The following POLR2F variants were observed in gnomAD, a reference collection of about 807,000 sequenced individuals.
POLR2F encodes DNA-directed RNA polymerases I, II, and III subunit RPABC2.
Under a neutral mutation model 22.7 loss-of-function variants are expected in POLR2F, and 12 were observed. The ratio of observed to expected loss-of-function variants is 0.53; its 90% CI spans 0.34 to 0.86. POLR2F has a LOEUF of 0.86. Among genes scored for constraint, POLR2F ranks in the 40% least tolerant of loss-of-function variants. The probability of loss-of-function intolerance (pLI) is 0.02; values close to 1 mark genes in which losing one functional copy is unlikely to be tolerated. For missense variants in POLR2F, 126 were observed against 171.5 expected, an observed-to-expected ratio of 0.73 and a Z score of 1.48; for synonymous variants, 57 against 66.0, an observed-to-expected ratio of 0.86 and a Z score of 0.66.
In POLR2F at chr22:38,011,621, T is replaced by C. The variant is rs140112494; in HGVS notation, c.121-14248T>C. ...GGCTTTCTATTTTTCCACTGATGTA[T>C]GCCTTTATGTCAATGCTACATTGAC... On this transcript the variant is annotated intron_variant, in intron 1 of 2. Transcript: ENST00000333418. Among the ~76,000 whole-genome samples the C allele has an allele frequency of 5.6e-4, 86 of 152,316 alleles. No individual in the cohort carries two copies. In the East Asian group the frequency reaches 0.015, roughly 27 times the overall value.
intron 1 of POLR2F, among the ~76,000 whole-genome samples, chr22:37,955,365 C>A (rs1478927287): frequency 6.6e-6 from 1 of 151,522 alleles, no homozygotes; most frequent in Non-Finnish European, 1.5e-5. Flanking sequence ...ATGGTGAAAC[C>A]CCATCTTTAC....
At chr22:37,962,427 T>G (rs1931680890) in intron 3 of POLR2F, among the ~76,000 whole-genome samples, 2 of 152,116 alleles carry the variant, frequency 1.3e-5, no homozygotes, top group South Asian at 4.1e-4. Flanking sequence ...GTTTTATGGG[T>G]GGACAACATT....
chr22:38,040,870 A>T, intron 5 of POLR2F: 1 of 750,842 alleles, frequency 1.3e-6, no homozygotes, highest in Non-Finnish European at 2.2e-6. Context: ...GCTTTTATAA[A>T]ACGTGTGGAG....
intron 4 of POLR2F, among the ~76,000 whole-genome samples, chr22:37,977,359 C>T (rs1373706592): frequency 6.6e-6 from 1 of 150,434 alleles, no homozygotes; most frequent in Non-Finnish European, 1.5e-5. Context: ...CTCGCTCTGT[C>T]GCCCAGGCTG....
At chr22:38,030,430 C>A (rs1041188856), downstream of POLR2F, among the ~76,000 whole-genome samples, 2 of 151,840 alleles carry the variant, frequency 1.3e-5, no homozygotes, top group South Asian at 4.2e-4. Flanking sequence ...CAACTGGCTT[C>A]GATTCCAGAG....
chr22:38,031,202 AG>A (rs1170336726), downstream of POLR2F, among the ~76,000 whole-genome samples: 8 of 152,112 alleles, frequency 5.3e-5, no homozygotes, highest in African/African-American at 1.7e-4. The surrounding 1 kb of genome is among the most constrained non-coding windows in gnomAD (Gnocchi z 4.1). Context: ...TTCCATCTGC[AG>A]GGCCCTGGAC....
chr22:37,986,951 A>G lies in POLR2F; in HGVS notation c.120+639A>G, dbSNP rs1932599156. On this transcript the variant is annotated intron_variant, in intron 1 of 2. Transcript: ENST00000333418. This position sits in a 1 kb window ranked among gnomAD's most constrained non-coding sequence, Gnocchi z 4.7. ...TGGGCCTCTGCCCCAGCAGGACAAC[A>G]GGAGGGCCAGTGTCACCTTCTCCTC... is the stretch of plus-strand genomic sequence containing the variant. 1 of 453,010 alleles carries G rather than the reference A, an allele frequency of 2.2e-6. No homozygotes were observed. The highest frequency in any genetic ancestry group is 2.4e-5 in the Admixed American group (1 of 42,444). The allele number at this position is 453,010 out of a possible 1,614,324, so 28.1% of individuals were successfully genotyped here. A position where few individuals can be genotyped will look rare whatever the true frequency, so the allele number is the denominator to read the frequency against.
chr22:37,983,342 C>T (rs1932459897), upstream of POLR2F: 6 of 1,600,104 alleles, frequency 3.7e-6, no homozygotes, highest in East Asian at 1.4e-4. The surrounding 1 kb of genome is among the most constrained non-coding windows in gnomAD (Gnocchi z 9.5). Context: ...GCCCGGGGGG[C>T]GGTCGGGTGC....
downstream of POLR2F, chr22:37,973,918 C>T: frequency 6.2e-7 from 1 of 1,610,182 alleles, no homozygotes; most frequent in Non-Finnish European, 8.5e-7. Context: ...GTCCACTGGC[C>T]ACGGCCAGGG....
At chr22:38,015,699 CAG>C (rs1381224263) in intron 1 of POLR2F, among the ~76,000 whole-genome samples, 7 of 152,162 alleles carry the variant, frequency 4.6e-5, no homozygotes, top group Admixed American at 4.6e-4. Context: ...GATAGAAAGA[CAG>C]GGGAGTTATG....
upstream of POLR2F, among the ~76,000 whole-genome samples, chr22:37,983,027 G>C (rs1342691559): frequency 6.6e-6 from 1 of 152,216 alleles, no homozygotes; most frequent in Non-Finnish European, 1.5e-5. This position sits in a 1 kb window ranked among gnomAD's most constrained non-coding sequence, Gnocchi z 9.5. Flanking sequence ...CATAGTGTGC[G>C]TATCTGTGGG....
intron 1 of POLR2F, among the ~76,000 whole-genome samples, chr22:37,954,180 G>A (rs889638488): frequency 2.0e-5 from 3 of 152,172 alleles, no homozygotes; most frequent in African/African-American, 7.2e-5. Flanking sequence ...AAGCAAGCAG[G>A]TAACGGTGGT....
upstream of POLR2F, chr22:37,983,251 C>G (rs1932455460): frequency 2.3e-6 from 3 of 1,322,382 alleles, no homozygotes; most frequent in East Asian, 5.0e-5. The surrounding 1 kb of genome is among the most constrained non-coding windows in gnomAD (Gnocchi z 9.5). Context: ...CCAAGGAGGA[C>G]TGCCAGACAG....
At chr22:37,966,161 G>A (rs1931843881) in intron 3 of POLR2F, among the ~76,000 whole-genome samples, 1 of 152,238 alleles carries the variant, frequency 6.6e-6, no homozygotes, top group Admixed American at 6.5e-5. Context: ...ACGATTTCCA[G>A]GGTGGAGACA....
intron 1 of POLR2F, among the ~76,000 whole-genome samples, chr22:37,955,592 G>A (rs1170533871): frequency 6.6e-6 from 1 of 151,664 alleles, no homozygotes; most frequent in Admixed American, 6.6e-5. Flanking sequence ...AAACAGTGAT[G>A]ATGAATGAGT....
At chr22:37,990,541 C>T (rs1932703917) in intron 1 of POLR2F, among the ~76,000 whole-genome samples, 1 of 152,258 alleles carries the variant, frequency 6.6e-6, no homozygotes, top group Non-Finnish European at 1.5e-5. Context: ...GTCCTCTGTG[C>T]AGGGCACTGG....
chr22:38,009,161 C>T (rs911312130), intron 1 of POLR2F, among the ~76,000 whole-genome samples: 23 of 152,204 alleles, frequency 1.5e-4, no homozygotes, highest in Admixed American at 1.3e-3. Context: ...ACAGAATGAG[C>T]GAGGGGGACA....
intron 3 of POLR2F, among the ~76,000 whole-genome samples, chr22:37,961,368 G>A (rs995435813): frequency 2.6e-5 from 4 of 152,168 alleles, no homozygotes; most frequent in Non-Finnish European, 5.9e-5. Flanking sequence ...GCTTTAAGGT[G>A]GTTCTTGATG....
downstream of POLR2F, chr22:37,972,958 C>G (rs565069012): frequency 6.9e-4 from 108 of 155,500 alleles, 1 homozygote; most frequent in South Asian, 0.021. Flanking sequence ...TCGAACCCCC[C>G]ACTCCCCAAT....
Sources: gnomAD v4.1 joint callset for allele counts (sites outside exome capture counted in the v4.1 genomes callset) on GRCh38, gnomAD v4.1.1 for gene constraint, Gnocchi (gnomAD v3.1) non-coding constraint, MANE v1.5 for transcripts, NCBI Gene and HGNC (gene_info 2026-07-23, HGNC 2026-07-21) for gene names.